Variants in MON2 observed in about 807,000 individuals in gnomAD.
MON2 encodes the protein MON2 regulator of endosome-to-Golgi trafficking.
In MON2, 84 loss-of-function variants were observed where a neutral mutation model predicts 208.6. The observed-to-expected ratio is 0.40, with a 90% confidence interval of 0.34 to 0.48. The LOEUF (loss-of-function observed/expected upper bound fraction) is 0.48, where lower values mean the gene tolerates loss of function less well. Ranked by LOEUF, MON2 falls within the 20% of genes least tolerant of loss-of-function variation. The pLI, the probability that MON2 is intolerant of heterozygous loss-of-function variation, is 0.59. For missense variants in MON2, 1,611 were observed against 2,015.4 expected (o/e 0.80, Z 3.84); for synonymous variants, 660 against 694.0 (o/e 0.95, Z 0.77).
chr12:62,586,872 A>C (rs527272203), intron 33 of MON2, among the ~76,000 whole-genome samples: 3 of 152,304 alleles, frequency 2.0e-5, no homozygotes, highest in Admixed American at 6.5e-5. Context: ...TACTACCTTT[A>C]AATTGAGCCT....
intron 1 of MON2, among the ~76,000 whole-genome samples, chr12:62,472,066 GA>G (rs1431545176): frequency 6.6e-6 from 1 of 152,236 alleles, no homozygotes; most frequent in Non-Finnish European, 1.5e-5. Flanking sequence ...AAGTGGAGGA[GA>G]AATTGTCTTG....
chr12:62,467,206 T>A lies in MON2; in HGVS notation c.-2T>A. On this transcript the variant is annotated 5_prime_UTR_variant, in exon 1 of 35. Coordinates refer to ENST00000393630, the MANE Select transcript of MON2 (RefSeq NM_015026.3). The stretch of plus-strand genomic sequence containing the variant: ...GGAAATTGGCTGGGACCTTGGAGGA[T>A]CATGTCCGGCACCAGCAGCCCCGAG... 1.2e-6 allele frequency: 2 copies of A among 1,611,496 alleles called. No homozygotes were observed. Among genetic ancestry groups the A allele is most frequent in the South Asian group, 1.1e-5 (1 of 91,038 alleles).
intron 21 of MON2, among the ~76,000 whole-genome samples, chr12:62,546,486 G>C (rs1485071004): frequency 1.3e-5 from 2 of 152,018 alleles, no homozygotes. Flanking sequence ...GGGCATGGTG[G>C]CTCACACCTG....
chr12:62,532,676 A>T lies in MON2; in HGVS notation c.1633+6A>T, dbSNP rs1565653836. The stretch of plus-strand genomic sequence containing the variant: ...CCAAATGGATAAGGAAATTGGTATG[A>T]GTCTGTATTTTTAATTTTTATTGGA... On this transcript the variant is annotated splice_donor_region_variant and intron_variant, in intron 12 of 34. Transcript: ENST00000393630. 6.3e-7 allele frequency: 1 copy of T among 1,578,894 alleles called. No individual in the cohort carries two copies. The highest frequency in any genetic ancestry group is 8.7e-7 in the Non-Finnish European group (1 of 1,153,774).
chr12:62,554,679 G>T (rs1262082813), intron 24 of MON2, among the ~76,000 whole-genome samples: 1 of 151,920 alleles, frequency 6.6e-6, no homozygotes, highest in Non-Finnish European at 1.5e-5. Flanking sequence ...AATTTTTTTT[G>T]TAGAGATAGT....
intron 32 of MON2, among the ~76,000 whole-genome samples, chr12:62,582,247 T>C (rs1592461974): frequency 6.6e-6 from 1 of 152,220 alleles, no homozygotes; most frequent in Non-Finnish European, 1.5e-5. Flanking sequence ...TTACTGGCAG[T>C]TTTCTGATAA....
chr12:62,551,059 A>G (rs1395057308), intron 23 of MON2, among the ~76,000 whole-genome samples: 1 of 151,450 alleles, frequency 6.6e-6, no homozygotes, highest in African/African-American at 2.4e-5. Flanking sequence ...AGCTGGAATT[A>G]TAGGCGCCCG....
At chr12:62,476,842 G>A (rs1208050111) in intron 1 of MON2, among the ~76,000 whole-genome samples, 3 of 152,126 alleles carry the variant, frequency 2.0e-5, no homozygotes, top group East Asian at 1.9e-4. Flanking sequence ...CATAGAAGTC[G>A]TGAAAAACAT....
Position 62,537,642 on chromosome 12 carries a change from A to G in MON2, c.2054A>G (p.Asn685Ser), listed in dbSNP as rs1024907410. ...KNIQCMRTLL[N>S]LAHCHGAVLG... ...ATCCAGTGTATGAGGACTTTACTTA[A>G]CTTGGCGCATTGCCATGGGGCTGTT... The change falls in exon 16 of 35, where the codon AAC becomes AGC. Residue 685 changes from asparagine to serine, a missense_variant. Asn to Ser is a conservative substitution (Grantham distance 46). Transcript: ENST00000393630. The G allele has an allele frequency of 1.2e-6, 2 of 1,613,406 alleles. No homozygotes were observed. The highest frequency in any genetic ancestry group is 1.7e-6 in the Non-Finnish European group (2 of 1,179,736).
At chr12:62,587,955 ATTGT>A in intron 33 of MON2, 115 bp from the exon 34 acceptor site, 1 of 622,738 alleles carries the variant, frequency 1.6e-6, no homozygotes. Context: ...TTAACCTTGC[ATTGT>A]ATTGTGTTCA....
intron 20 of MON2, 47 bp from the exon 21 acceptor site, chr12:62,544,851 T>C: frequency 6.3e-7 from 1 of 1,585,962 alleles, no homozygotes; most frequent in Non-Finnish European, 8.6e-7. Context: ...TGATGTGTGA[T>C]TCATAGCTTA....
At chr12:62,519,977 G>A (rs1296559931) in intron 8 of MON2, among the ~76,000 whole-genome samples, 1 of 152,142 alleles carries the variant, frequency 6.6e-6, no homozygotes, top group Non-Finnish European at 1.5e-5. Flanking sequence ...CACCACGCCC[G>A]GCTAATTTTT....
chr12:62,515,968 C>G (rs1050056128), intron 8 of MON2, among the ~76,000 whole-genome samples: 1 of 152,108 alleles, frequency 6.6e-6, no homozygotes, highest in African/African-American at 2.4e-5. Flanking sequence ...TCCTGCACTC[C>G]CATGTTTATT....
At position 62,588,158 on chromosome 12, in the gene MON2, TA is replaced by T; in HGVS notation, c.4990+4del. On this transcript the variant is annotated splice_donor_region_variant and intron_variant, in intron 34 of 34. Transcript: ENST00000393630. ...TTAAGAAAACTCAGCCTGAGAATGG[TA>T]AGTGCTTAGAAACAGTTATTCTAAA... 1.3e-6 allele frequency: 2 copies of T among 1,550,290 alleles called. No individual in the cohort carries two copies. Among genetic ancestry groups the T allele is most frequent in the Non-Finnish European group, 1.8e-6 (2 of 1,128,454 alleles).
chr12:62,467,213 C>A lies in MON2; in HGVS notation c.6C>A (p.Ser2=). The A allele has an allele frequency of 6.2e-7, 1 of 1,612,226 alleles. No homozygotes were observed. Among genetic ancestry groups the A allele is most frequent in the Non-Finnish European group, 8.5e-7 (1 of 1,179,886 alleles). The change falls in exon 1 of 35, where the codon TCC becomes TCA. Residue 2 remains serine, a synonymous_variant. Transcript: ENST00000393630. M[S]GTSSPEAVKK... ...GGCTGGGACCTTGGAGGATCATGTC[C>A]GGCACCAGCAGCCCCGAGGCGGTGA...
intron 15 of MON2, 88 bp from the exon 16 acceptor site, chr12:62,537,514 T>C (rs1041372219): frequency 5.0e-6 from 5 of 995,826 alleles, no homozygotes; most frequent in African/African-American, 1.7e-5. Context: ...TTTAAAAAAA[T>C]CTTTTAACAC....
intron 32 of MON2, among the ~76,000 whole-genome samples, chr12:62,582,808 T>A (rs2075050382): frequency 6.6e-6 from 1 of 151,568 alleles, no homozygotes; most frequent in East Asian, 1.9e-4. Context: ...AACACAGAGG[T>A]TCCAGTGATG....
chr12:62,508,643 T>C (rs150194547), intron 8 of MON2, 163 bp downstream of exon 8: 148 of 595,304 alleles, frequency 2.5e-4, no homozygotes, highest in African/African-American at 2.3e-3. Context: ...TTCTATCCTT[T>C]CTTGAATCTT....
rs528385878 is a variant in MON2 at position 62,495,144 on chromosome 12, T to A, written c.432T>A (p.Ser144=). The A allele has an allele frequency of 1.9e-6, 3 of 1,603,444 alleles. No individual in the cohort carries two copies. Among genetic ancestry groups the A allele is most frequent in the African/African-American group, 2.7e-5 (2 of 74,720 alleles). ...TNTVVHDEAL[S]KAIVLCFRLH... is the part of the protein sequence containing the mutation. ...CAGTAGTTCATGATGAGGCACTTTCTAAGGTAGGAAAACTGTTTGCCAGAG... is the reference window on the plus strand; with the variant it reads ...CAGTAGTTCATGATGAGGCACTTTCAAAGGTAGGAAAACTGTTTGCCAGAG... Residue 144 remains serine, a synonymous_variant, in exon 4 of 35, where the codon TCT becomes TCA. Coordinates refer to ENST00000393630, the MANE Select transcript of MON2 (RefSeq NM_015026.3).
Sources: allele counts gnomAD v4.1 joint callset (sites outside exome capture counted in the v4.1 genomes callset), GRCh38; gene constraint gnomAD v4.1.1; transcripts MANE v1.5; gene names NCBI Gene and HGNC (gene_info 2026-07-23, HGNC 2026-07-21).